The following TAFA2 variants were observed in gnomAD, a reference collection of about 807,000 sequenced individuals.
TAFA2 encodes the protein chemokine-like protein TAFA-2.
In TAFA2, 7 loss-of-function variants were observed where a neutral mutation model predicts 18.8. That is an observed-to-expected ratio of 0.37 (90% confidence interval 0.21 to 0.70). TAFA2 has a LOEUF of 0.70. Among genes scored for constraint, TAFA2 ranks in the 30% least tolerant of loss-of-function variants. The pLI, the probability that TAFA2 is intolerant of heterozygous loss-of-function variation, is 0.53. For synonymous variants in TAFA2, 60 were observed against 54.2 expected (o/e 1.11, Z -0.47); for missense variants, 122 against 158.1 (o/e 0.77, Z 1.23).
rs185762301 is a variant in TAFA2, at chr12:62,217,230, G to C, written c.-130+41533C>G. Among the ~76,000 whole-genome samples the C allele has an allele frequency of 3.4e-3, 511 of 148,912 alleles. 1 individual carries two copies. Among genetic ancestry groups the C allele is most frequent in the Non-Finnish European group, 3.6e-3 (247 of 68,010 alleles). On this transcript the variant is annotated intron_variant, in intron 1 of 5. Coordinates refer to the TAFA2 transcript ENST00000551619. ...CTGCAGCAGGTACAGGGAGTACTTG[G>C]GCCATATGATCCAGCAGACCTTTCA...
At chr12:62,185,697 A>T (rs1484076677) in intron 1 of TAFA2, among the ~76,000 whole-genome samples, 2 of 152,228 alleles carry the variant, frequency 1.3e-5, no homozygotes, top group African/African-American at 2.4e-5. Flanking sequence ...AATGATAAAA[A>T]TATAAGTATA....
intron 1 of TAFA2, among the ~76,000 whole-genome samples, chr12:61,957,139 T>TA (rs1298693619): frequency 1.3e-5 from 2 of 152,154 alleles, no homozygotes; most frequent in Non-Finnish European, 2.9e-5. Flanking sequence ...GTGCCAGCAT[T>TA]TGCTTCTCAA....
intron 1 of TAFA2, among the ~76,000 whole-genome samples, chr12:62,003,063 C>A (rs1880432214): frequency 6.6e-6 from 1 of 152,114 alleles, no homozygotes; most frequent in South Asian, 2.1e-4. Context: ...TTTCCCCTCT[C>A]ACCACCATCA....
intron 1 of TAFA2, among the ~76,000 whole-genome samples, chr12:62,055,356 C>A (rs1882161679): frequency 6.6e-6 from 1 of 152,094 alleles, no homozygotes; most frequent in Admixed American, 6.5e-5. Context: ...AAAAAATAAA[C>A]CCCTGAAATA....
chr12:61,812,420 A>G (rs1871909249), intron 2 of TAFA2, among the ~76,000 whole-genome samples: 1 of 151,454 alleles, frequency 6.6e-6, no homozygotes, highest in Admixed American at 6.5e-5. Flanking sequence ...AAACTGCTTC[A>G]GGGTCAGATG....
intron 1 of TAFA2, among the ~76,000 whole-genome samples, chr12:62,029,735 T>C (rs998481241): frequency 7.2e-5 from 11 of 151,912 alleles, no homozygotes; most frequent in Non-Finnish European, 1.2e-4. Context: ...AGAATAACAA[T>C]GAACCCAGGT....
At chr12:61,980,585 A>T (rs920024270) in intron 1 of TAFA2, among the ~76,000 whole-genome samples, 2 of 152,228 alleles carry the variant, frequency 1.3e-5, no homozygotes, top group African/African-American at 4.8e-5. Context: ...AATCTCCTTA[A>T]GCTGATAAGC....
At chr12:62,241,978 G>T (rs972040374) in intron 1 of TAFA2, among the ~76,000 whole-genome samples, 4 of 152,196 alleles carry the variant, frequency 2.6e-5, no homozygotes, top group Non-Finnish European at 2.9e-5. Context: ...AGTTAAGAGA[G>T]TTCATACTGA....
rs966442822 is a variant in TAFA2 at position 62,040,678 on chromosome 12, T to A, written c.-2+150581A>T. Among the ~76,000 whole-genome samples, 3 of 152,240 alleles carry A rather than the reference T, an allele frequency of 2.0e-5. No homozygotes were observed. The South Asian group carries it at 6.2e-4, about 32-fold the overall frequency. On this transcript the variant is annotated intron_variant, in intron 1 of 4. Transcript: ENST00000416284. ...GAACTGTGTAACAACACATTTCTGT[T>A]ATTTCAGCCACCCCACTTCTGGTAC...
At chr12:61,900,156 AACTAG>A (rs1453190902) in intron 1 of TAFA2, among the ~76,000 whole-genome samples, 2 of 152,256 alleles carry the variant, frequency 1.3e-5, no homozygotes, top group Non-Finnish European at 2.9e-5. Context: ...TGAACAATAC[AACTAG>A]AAGTATTCCT....
intron 4 of TAFA2, among the ~76,000 whole-genome samples, chr12:61,725,729 A>T (rs372907777): frequency 8.5e-5 from 13 of 152,058 alleles, no homozygotes; most frequent in African/African-American, 3.1e-4. Flanking sequence ...GAGGCCTCCA[A>T]ATTTGTTGCT....
intron 1 of TAFA2, among the ~76,000 whole-genome samples, chr12:62,018,642 T>A (rs1462854987): frequency 6.6e-6 from 1 of 152,128 alleles, no homozygotes; most frequent in Non-Finnish European, 1.5e-5. Flanking sequence ...TGAAACTGGA[T>A]CCCTTCCTTA....
chr12:62,011,741 C>G (rs1373451555), intron 1 of TAFA2, among the ~76,000 whole-genome samples: 1 of 104,520 alleles, frequency 9.6e-6, no homozygotes, highest in Non-Finnish European at 1.9e-5. Flanking sequence ...CAAGAATGAT[C>G]AATAAATACT....
chr12:61,980,146 A>T (rs1224887760), intron 1 of TAFA2, among the ~76,000 whole-genome samples: 2 of 152,168 alleles, frequency 1.3e-5, no homozygotes, highest in Non-Finnish European at 2.9e-5. Context: ...AGGCTGGTTT[A>T]ACATATGCAA....
rs138769268 is a variant in TAFA2 at position 61,767,418 on chromosome 12, C to T, written c.107-12394G>A. Among the ~76,000 whole-genome samples the T allele has an allele frequency of 1.3e-3, 203 of 152,130 alleles. 1 individual carries two copies. Among genetic ancestry groups the T allele is most frequent in the African/African-American group, 4.7e-3 (194 of 41,526 alleles). The stretch of plus-strand genomic sequence containing the variant: ...AGTGATTATTCCCTGCAAGGATGAA[C>T]TTTTACTGTTTCCTGTATCTAATTT... On this transcript the variant is annotated intron_variant, in intron 2 of 4. Transcript: ENST00000416284.
At chr12:62,240,006 A>G (rs960359996) in intron 1 of TAFA2, among the ~76,000 whole-genome samples, 1 of 152,030 alleles carries the variant, frequency 6.6e-6, no homozygotes, top group African/African-American at 2.4e-5. Flanking sequence ...AAGGACAGAG[A>G]AAGAGTATAA....
intron 2 of TAFA2, among the ~76,000 whole-genome samples, chr12:61,801,748 A>T: frequency 6.6e-6 from 1 of 152,130 alleles, no homozygotes. Flanking sequence ...CATAAGCAAA[A>T]ATAGACAAAT....
intron 1 of TAFA2, among the ~76,000 whole-genome samples, chr12:61,877,149 A>G (rs924587241): frequency 2.0e-5 from 3 of 152,224 alleles, no homozygotes; most frequent in African/African-American, 7.2e-5. Flanking sequence ...CTGTGCTACA[A>G]ACCTCAGTCT....
chr12:62,082,614 T>G (rs757281606), intron 1 of TAFA2, among the ~76,000 whole-genome samples: 1 of 152,168 alleles, frequency 6.6e-6, no homozygotes, highest in Non-Finnish European at 1.5e-5. Flanking sequence ...AGTTTAGATA[T>G]TTCTTCCAAG....
Sources: allele counts gnomAD v4.1 joint callset (sites outside exome capture counted in the v4.1 genomes callset), GRCh38; gene constraint gnomAD v4.1.1; transcripts MANE v1.5; gene names NCBI Gene and HGNC (gene_info 2026-07-23, HGNC 2026-07-21).